Variants in REPS2 observed in about 807,000 individuals in gnomAD.
REPS2 encodes the protein ralBP1-associated Eps domain-containing protein 2.
Under a neutral mutation model 53.6 loss-of-function variants are expected in REPS2, and 23 were observed. The observed-to-expected ratio is 0.43, with a 90% confidence interval of 0.31 to 0.61. REPS2 has a LOEUF of 0.61. REPS2 is among the 20% of genes least tolerant of loss of function. REPS2 has a pLI of 0.11. For synonymous variants in REPS2, 238 were observed against 218.6 expected (o/e 1.09, Z -0.78); for missense variants, 446 against 534.9 (o/e 0.83, Z 1.64).
intron 1 of REPS2, among the ~76,000 whole-genome samples, chrX:16,980,946 T>C (rs990181147): frequency 8.9e-6 from 1 of 112,686 alleles, no homozygotes; most frequent in Non-Finnish European, 1.9e-5. Context: ...AGGGAATTCT[T>C]TTGTGCTGGC....
chrX:17,157,005 A>G (rs1006859447), downstream of REPS2, among the ~76,000 whole-genome samples: 1 of 111,073 alleles, frequency 9.0e-6, no homozygotes, highest in Non-Finnish European at 1.9e-5. Flanking sequence ...CCCCCAAAAT[A>G]TCATTTACAT....
intron 5 of REPS2, 98 bp downstream of exon 5, chrX:17,029,721 A>G: frequency 3.7e-6 from 2 of 538,588 alleles, no homozygotes; most frequent in Non-Finnish European, 6.2e-6. Context: ...ATTGCAAGGA[A>G]GATATAAAAC....
At chrX:17,184,427 A>G in the REPS2 span, among the ~76,000 whole-genome samples, 7 of 104,797 alleles carry the variant, frequency 6.7e-5, no homozygotes, top group Non-Finnish European at 7.9e-5. Context: ...CCAGTCTATC[A>G]TTGTTGGACA....
downstream of REPS2, among the ~76,000 whole-genome samples, chrX:17,155,495 A>G (rs368758003): frequency 8.9e-6 from 1 of 111,908 alleles, no homozygotes; most frequent in Admixed American, 9.5e-5. Context: ...GATGTGGAAT[A>G]TGGAGCAGAG....
At chrX:17,024,990 C>T in intron 3 of REPS2, 69 bp from the exon 4 acceptor site, 1 of 1,202,550 alleles carries the variant, frequency 8.3e-7, no homozygotes, top group Non-Finnish European at 1.1e-6. Flanking sequence ...TTGCGTTATG[C>T]TTCCTGACTG....
intron 4 of REPS2, among the ~76,000 whole-genome samples, chrX:17,029,009 TAATA>T (rs2061678129): frequency 1.8e-5 from 2 of 112,224 alleles, no homozygotes; most frequent in African/African-American, 6.5e-5. Context: ...AATAGTAGAA[TAATA>T]AATATAAAAT....
chrX:17,178,394 A>G, the REPS2 span, among the ~76,000 whole-genome samples: 1 of 112,498 alleles, frequency 8.9e-6, no homozygotes, highest in African/African-American at 3.2e-5. Context: ...GCATAGAATA[A>G]AAAGCTGAGC....
chrX:17,069,917 C>A, intron 10 of REPS2, 23 bp from the exon 11 acceptor site: 1 of 1,021,451 alleles, frequency 9.8e-7, no homozygotes, highest in Non-Finnish European at 1.3e-6. Flanking sequence ...TTTCTTTTTG[C>A]TTAAAAAACA....
At chrX:17,186,800 T>C in the REPS2 span, among the ~76,000 whole-genome samples, 2 of 111,218 alleles carry the variant, frequency 1.8e-5, no homozygotes, top group Non-Finnish European at 3.8e-5. Flanking sequence ...GACCCTCCTG[T>C]ACCTTCTTGT....
At chrX:16,957,359 A>G (rs1340977184) in intron 1 of REPS2, among the ~76,000 whole-genome samples, 1 of 110,447 alleles carries the variant, frequency 9.1e-6, no homozygotes, top group Non-Finnish European at 1.9e-5. Context: ...TCAGTGAGCC[A>G]AGATTGTGCC....
chrX:17,095,820 C>T (rs1325150225), intron 13 of REPS2, among the ~76,000 whole-genome samples: 1 of 111,105 alleles, frequency 9.0e-6, no homozygotes, highest in Non-Finnish European at 1.9e-5. Context: ...CCTCATTTTA[C>T]CCCTACATTC....
At chrX:17,146,584 C>T (rs1433532027) in intron 17 of REPS2, among the ~76,000 whole-genome samples, 5 of 111,979 alleles carry the variant, frequency 4.5e-5, no homozygotes, top group African/African-American at 1.6e-4. Flanking sequence ...CTGGCATATT[C>T]TTTGCTGATA....
chrX:17,095,392 C>G (rs1453042191), intron 13 of REPS2, among the ~76,000 whole-genome samples: 1 of 111,844 alleles, frequency 8.9e-6, no homozygotes, highest in East Asian at 2.8e-4. Flanking sequence ...CAGCATGGCC[C>G]TCATGCCTTC....
intron 16 of REPS2, chrX:17,137,555 T>A (rs932436229): frequency 8.9e-6 from 1 of 112,402 alleles, no homozygotes. Flanking sequence ...AATTGAGCCC[T>A]CTTTGTAAAT....
intron 1 of REPS2, among the ~76,000 whole-genome samples, chrX:16,970,484 C>T (rs2060874731): frequency 1.8e-5 from 2 of 112,389 alleles, no homozygotes; most frequent in Non-Finnish European, 3.8e-5. Context: ...AGGCGTGAGC[C>T]ACTGTGCCTG....
rs1228308222 is a variant in REPS2 at position 17,100,012 on chromosome X, T to G, written c.1517-3706T>G. On this transcript the variant is annotated intron_variant, in intron 13 of 17. Transcript: ENST00000357277. ...CCTCGTGGCTTTTCTGACTCTTCTT[T>G]CTTCTTCTTTGGTTTGCTCTCCTCT... is the stretch of plus-strand genomic sequence containing the variant. 4.4e-5 allele frequency: 51 copies of G among 1,166,842 alleles called. No homozygotes were observed. In the East Asian group the frequency reaches 1.5e-3, roughly 34 times the overall value.
At chrX:17,096,263 A>G (rs1014278566) in intron 13 of REPS2, among the ~76,000 whole-genome samples, 1 of 111,851 alleles carries the variant, frequency 8.9e-6, no homozygotes, top group Admixed American at 9.5e-5. Context: ...TTGAGTTTAG[A>G]GTCACAGGTT....
chrX:17,140,932 G>A (rs1049636046), intron 17 of REPS2, among the ~76,000 whole-genome samples: 10 of 109,754 alleles, frequency 9.1e-5, no homozygotes, highest in African/African-American at 3.0e-4. Context: ...CACCACGCCC[G>A]GCCAACTTTT....
At chrX:17,049,371 A>G (rs1366177877) in intron 6 of REPS2, among the ~76,000 whole-genome samples, 1 of 111,906 alleles carries the variant, frequency 8.9e-6, no homozygotes, top group African/African-American at 3.3e-5. Flanking sequence ...TCACCTCCAC[A>G]GTATAGAGGT....
Sources: gnomAD v4.1 joint callset for allele counts (sites outside exome capture counted in the v4.1 genomes callset) on GRCh38, gnomAD v4.1.1 for gene constraint, MANE v1.5 for transcripts, NCBI Gene and HGNC (gene_info 2026-07-23, HGNC 2026-07-21) for gene names.